The following EIF2A variants were observed in gnomAD, a reference collection of about 807,000 sequenced individuals.
The protein encoded by EIF2A is 65 kDa eukaryotic translation initiation factor 2A.
A neutral mutation model predicts 75.2 loss-of-function variants in EIF2A; 62 were observed. That is an observed-to-expected ratio of 0.82 (90% CI 0.67 to 1.02). The LOEUF is 1.02. Among genes scored for constraint, EIF2A ranks in the 50% least tolerant of loss-of-function variants. EIF2A has a pLI of 0.00. For missense variants in EIF2A, 611 were observed against 677.7 expected (o/e 0.90, Z 1.09); for synonymous variants, 207 against 239.0 (o/e 0.87, Z 1.23).
chr3:150,552,089 T>G (rs1480002137), intron 1 of EIF2A, among the ~76,000 whole-genome samples: 3 of 152,238 alleles, frequency 2.0e-5, no homozygotes, highest in Admixed American at 2.0e-4. Flanking sequence ...ATTCATGTCC[T>G]CTTTACCACA....
intron 3 of EIF2A, among the ~76,000 whole-genome samples, chr3:150,560,826 CT>C (rs1234703377): frequency 6.1e-5 from 9 of 146,548 alleles, no homozygotes; most frequent in Non-Finnish European, 1.3e-4. Flanking sequence ...ATAGTATGAT[CT>C]TGAGCAAATC....
At position 150,564,274 on chromosome 3, in the gene EIF2A, CTTTTT is replaced by C; in HGVS notation, c.393-16_393-12del. 2 of 1,135,668 alleles carry C rather than the reference CTTTTT, an allele frequency of 1.8e-6. No homozygotes were observed. The highest frequency in any genetic ancestry group is 2.4e-6 in the Non-Finnish European group (2 of 832,800). 70.3% of individuals were successfully genotyped at this position (1,135,668 alleles called of 1,614,324 possible). ...ACATTCTGTCTGAATATTTTTTATACTTTTTTTTTTTTTCATTGACATAGGTGTCC... is the reference window on the plus strand; with the variant it reads ...ACATTCTGTCTGAATATTTTTTATACTTTTTTTTCATTGACATAGGTGTCC... On this transcript the variant is annotated intron_variant, in intron 5 of 13. Coordinates refer to ENST00000460851, the MANE Select transcript of EIF2A (RefSeq NM_032025.5).
At chr3:150,574,737 G>A (rs1452075219) in intron 10 of EIF2A, among the ~76,000 whole-genome samples, 2 of 152,216 alleles carry the variant, frequency 1.3e-5, no homozygotes, top group African/African-American at 2.4e-5. Flanking sequence ...CATCTTAAGT[G>A]TTTGAGCTCT....
At chr3:150,581,521 A>G in intron 11 of EIF2A, 97 bp from the exon 12 acceptor site, 1 of 1,377,096 alleles carries the variant, frequency 7.3e-7, no homozygotes, top group Non-Finnish European at 9.8e-7. Context: ...AAAATCACAT[A>G]TTTAGTTTCT....
At chr3:150,573,034 G>A (rs545710731) in intron 10 of EIF2A, among the ~76,000 whole-genome samples, 18 of 152,142 alleles carry the variant, frequency 1.2e-4, no homozygotes, top group Admixed American at 2.6e-4. Flanking sequence ...GATTTAAAAA[G>A]AAAGTATATA....
intron 1 of EIF2A, among the ~76,000 whole-genome samples, chr3:150,551,569 A>G (rs1723315802): frequency 6.7e-6 from 1 of 148,568 alleles, no homozygotes; most frequent in African/African-American, 2.5e-5. Flanking sequence ...TGTCTCTACA[A>G]AAAAAAAAAA....
At chr3:150,582,619 A>G (rs1725256956) in intron 12 of EIF2A, among the ~76,000 whole-genome samples, 3 of 152,072 alleles carry the variant, frequency 2.0e-5, no homozygotes, top group Non-Finnish European at 2.9e-5. Context: ...TGGTCACTCA[A>G]TACTTTTATA....
chr3:150,572,517 C>T lies in EIF2A; in HGVS notation c.1371C>T (p.Thr457=), dbSNP rs769435763. The change falls in exon 10 of 14, where the codon ACC becomes ACT. Residue 457 remains threonine, a synonymous_variant. Coordinates refer to ENST00000460851, the MANE Select transcript of EIF2A (RefSeq NM_032025.5). ...RPPALRNKPI[T]NSKLHEEEPP... ...CAGCTTTAAGAAATAAACCAATCAC[C>T]AATTCCAAATTGGTAAGTAAAGTTT... The T allele has an allele frequency of 6.2e-7, 1 of 1,601,202 alleles. No individual in the cohort carries two copies. The highest frequency in any genetic ancestry group is 1.8e-5 in the Admixed American group (1 of 57,064).
chr3:150,558,549 T>C, intron 3 of EIF2A, 87 bp downstream of exon 3: 15 of 1,183,638 alleles, frequency 1.3e-5, no homozygotes, highest in Non-Finnish European at 1.7e-5. Flanking sequence ...TTGAGTGTCA[T>C]TAATAAAATC....
At chr3:150,572,634 C>A (rs1203363386) in intron 10 of EIF2A, 105 bp downstream of exon 10, 8 of 1,103,242 alleles carry the variant, frequency 7.3e-6, no homozygotes, top group Non-Finnish European at 1.0e-5. Context: ...GCGGGAGGAT[C>A]ACTTGAGGTC....
intron 1 of EIF2A, chr3:150,547,200 C>G (rs1277134158): frequency 3.7e-6 from 1 of 272,240 alleles, no homozygotes; most frequent in Non-Finnish European, 7.4e-6. Context: ...CAAAGACAAA[C>G]ATGAGTTAGT....
At position 150,584,225 on chromosome 3, in the gene EIF2A, A is replaced by T. The variant is rs2107985318; in HGVS notation, c.*314A>T. 2 of 197,416 alleles carry T rather than the reference A, an allele frequency of 1.0e-5. No individual in the cohort carries two copies. The highest frequency in any genetic ancestry group is 2.3e-4 in the East Asian group (2 of 8,614). 12.2% of individuals were successfully genotyped at this position (197,416 alleles called of 1,614,324 possible). ...GTGATATATACCATGTAAATGAACA[A>T]AGACATTTTAAATTTAATCACTGTT... On this transcript the variant is annotated 3_prime_UTR_variant, in exon 14 of 14. Coordinates refer to ENST00000460851, the MANE Select transcript of EIF2A (RefSeq NM_032025.5).
intron 2 of EIF2A, among the ~76,000 whole-genome samples, chr3:150,555,198 G>A (rs1350463454): frequency 6.6e-6 from 1 of 152,030 alleles, no homozygotes; most frequent in Non-Finnish European, 1.5e-5. Flanking sequence ...CAAAGTGCTG[G>A]GATTACAGGC....
At chr3:150,576,247 G>A (rs761975364) in intron 11 of EIF2A, among the ~76,000 whole-genome samples, 1 of 152,078 alleles carries the variant, frequency 6.6e-6, no homozygotes, top group South Asian at 2.1e-4. Flanking sequence ...AGACCAGCCT[G>A]GGCAACATAG....
intron 1 of EIF2A, 21 bp from the exon 2 acceptor site, chr3:150,552,335 C>A: frequency 6.5e-7 from 1 of 1,543,810 alleles, no homozygotes; most frequent in Middle Eastern, 1.7e-4. Flanking sequence ...AATTGTGGTT[C>A]TTTTTATTTT....
In EIF2A at chr3:150,572,286, G is replaced by C. The variant is rs1724575668; in HGVS notation, c.1140G>C (p.Arg380Ser). Residue 380 changes from arginine (R) to serine (S), a missense_variant, in exon 10 of 14, where the codon AGG (arginine) becomes AGC (serine). By Grantham distance (110) the Arg-to-Ser change is moderately radical. Coordinates refer to ENST00000460851, the MANE Select transcript of EIF2A (RefSeq NM_032025.5). ...EHILTATCAP[R>S]LRVNNGYKIW... Reference sequence around the variant, plus strand: ...TTTTAACAGCTACATGTGCTCCCAGGTTACGGGTTAATAATGGATACAAAA... The same window carrying C: ...TTTTAACAGCTACATGTGCTCCCAGCTTACGGGTTAATAATGGATACAAAA... 6.2e-7 allele frequency: 1 copy of C among 1,613,910 alleles called. No individual in the cohort carries two copies. The highest frequency in any genetic ancestry group is 8.5e-7 in the Non-Finnish European group (1 of 1,179,852).
intron 6 of EIF2A, chr3:150,565,309 T>G: frequency 2.3e-6 from 1 of 434,984 alleles, no homozygotes; most frequent in Non-Finnish European, 4.6e-6. Context: ...TCTTTAATTT[T>G]GTAGGCTTAG....
Position 150,581,728 on chromosome 3 carries a change from A to G in EIF2A, c.1608A>G (p.Lys536=), listed in dbSNP as rs200838080. ...CTGGGGACCCTGAGATAGACAAAAA[A>G]ATCAAGAACCTAAAGAAGGTGAGAG... is the stretch of plus-strand genomic sequence containing the variant. ...SISGDPEIDK[K]IKNLKKKLKA... Residue 536 remains lysine (K), a synonymous_variant, in exon 12 of 14, where the codon AAA becomes AAG. Transcript: ENST00000460851. 15 of 1,558,532 alleles carry G rather than the reference A, an allele frequency of 9.6e-6. No individual in the cohort carries two copies. Among genetic ancestry groups the G allele is most frequent in the Admixed American group, 1.9e-5 (1 of 51,730 alleles).
At position 150,582,986 on chromosome 3, in the gene EIF2A, C is replaced by G. The variant is rs936060589; in HGVS notation, c.1627-214C>G. ...ATACACGATAACATTAATTAAAAGC[C>G]TGAGAATAATATTTTGCCAAATCTC... On this transcript the variant is annotated intron_variant, in intron 12 of 13. Coordinates refer to ENST00000460851, the MANE Select transcript of EIF2A (RefSeq NM_032025.5). The G allele has an allele frequency of 5.9e-6, 3 of 511,518 alleles. No homozygotes were observed. In the African/African-American group the frequency reaches 5.9e-5, roughly 10 times the overall value. The allele number at this position is 511,518 out of a possible 1,614,324, so 31.7% of individuals were successfully genotyped here. A position where few individuals can be genotyped will look rare whatever the true frequency, so the allele number is the denominator to read the frequency against.
Sources: gnomAD v4.1 joint callset for allele counts (sites outside exome capture counted in the v4.1 genomes callset) on GRCh38, gnomAD v4.1.1 for gene constraint, MANE v1.5 for transcripts, NCBI Gene and HGNC (gene_info 2026-07-23, HGNC 2026-07-21) for gene names.